The following RAD51B variants were observed in gnomAD, a reference collection of about 807,000 sequenced individuals.
RAD51B encodes the protein DNA repair protein RAD51 homolog 2.
A neutral mutation model predicts 42.2 loss-of-function variants in RAD51B; 38 were observed. That is an observed-to-expected ratio of 0.90 (90% CI 0.70 to 1.18). The LOEUF is 1.18. RAD51B is among the 50% of genes most tolerant of loss of function. RAD51B has a pLI of 0.00. For synonymous variants in RAD51B, 154 were observed against 145.2 expected, an observed-to-expected ratio of 1.06 and a Z score of -0.43; for missense variants, 373 against 400.7, an observed-to-expected ratio of 0.93 and a Z score of 0.59.
chr14:68,123,592 G>T (rs1202749612), intron 7 of RAD51B, among the ~76,000 whole-genome samples: 1 of 152,134 alleles, frequency 6.6e-6, no homozygotes, highest in African/African-American at 2.4e-5. Context: ...TGGATCACTT[G>T]AGGTCAGGAG....
At chr14:68,369,825 C>T (rs191973546) in intron 8 of RAD51B, among the ~76,000 whole-genome samples, 124 of 152,324 alleles carry the variant, frequency 8.1e-4, no homozygotes, top group Non-Finnish European at 1.7e-3. Flanking sequence ...AAAAGTGCTA[C>T]ATACTATATA....
At chr14:67,838,396 C>CAT (rs2041316789) in intron 4 of RAD51B, among the ~76,000 whole-genome samples, 1 of 151,854 alleles carries the variant, frequency 6.6e-6, no homozygotes, top group South Asian at 2.1e-4. Flanking sequence ...GAAAAGAATG[C>CAT]ATATATATAT....
chr14:67,839,161 T>A (rs1421755617), intron 4 of RAD51B, among the ~76,000 whole-genome samples: 1 of 152,164 alleles, frequency 6.6e-6, no homozygotes, highest in Non-Finnish European at 1.5e-5. Flanking sequence ...GTAGTGTCTT[T>A]GTCTGAATTA....
At chr14:68,504,507 T>C (rs1885143598) in intron 10 of RAD51B, among the ~76,000 whole-genome samples, 1 of 152,142 alleles carries the variant, frequency 6.6e-6, no homozygotes, top group Non-Finnish European at 1.5e-5. Context: ...CCTCTGATCA[T>C]GAAGACTGGA....
intron 7 of RAD51B, among the ~76,000 whole-genome samples, chr14:68,253,770 G>A (rs903920485): frequency 1.3e-5 from 2 of 152,222 alleles, no homozygotes; most frequent in African/African-American, 4.8e-5. Context: ...CTGATAGGAA[G>A]TTGAGGCACA....
chr14:68,143,194 A>C (rs962387487), intron 7 of RAD51B, among the ~76,000 whole-genome samples: 23 of 152,148 alleles, frequency 1.5e-4, no homozygotes, highest in African/African-American at 5.1e-4. Flanking sequence ...AGCTGCTATT[A>C]GTGTCCCCAT....
At chr14:68,647,315 A>C (rs1476957992) in intron 10 of RAD51B, among the ~76,000 whole-genome samples, 1 of 152,232 alleles carries the variant, frequency 6.6e-6, no homozygotes, top group East Asian at 1.9e-4. Context: ...AAACTATGTA[A>C]TAAAAGTGAT....
At chr14:68,539,947 T>A (rs1887864297) in intron 10 of RAD51B, among the ~76,000 whole-genome samples, 1 of 152,100 alleles carries the variant, frequency 6.6e-6, no homozygotes, top group African/African-American at 2.4e-5. Context: ...TCTTTATCAG[T>A]GCTGTAAGAG....
chr14:68,498,059 C>A (rs1286142871), intron 10 of RAD51B, among the ~76,000 whole-genome samples: 1 of 152,130 alleles, frequency 6.6e-6, no homozygotes, highest in African/African-American at 2.4e-5. Context: ...TATGGTGATT[C>A]TATGTTTAAC....
chr14:67,879,214 T>C (rs915596713), intron 5 of RAD51B, among the ~76,000 whole-genome samples: 2 of 152,248 alleles, frequency 1.3e-5, no homozygotes, highest in African/African-American at 4.8e-5. Flanking sequence ...GAATTTCATC[T>C]TTTTAAAGGA....
intron 7 of RAD51B, among the ~76,000 whole-genome samples, chr14:68,048,850 A>G (rs1040639508): frequency 3.3e-5 from 5 of 152,232 alleles, no homozygotes; most frequent in Non-Finnish European, 7.3e-5. Context: ...CAGCCATCCC[A>G]TTACTGGGTA....
chr14:67,840,572 G>A (rs1191895330), intron 4 of RAD51B, among the ~76,000 whole-genome samples: 1 of 152,114 alleles, frequency 6.6e-6, no homozygotes, highest in African/African-American at 2.4e-5. Context: ...TTGCTATTGT[G>A]GATACTGTGG....
At chr14:67,947,707 G>A (rs2045443368) in intron 7 of RAD51B, among the ~76,000 whole-genome samples, 1 of 152,110 alleles carries the variant, frequency 6.6e-6, no homozygotes, top group Non-Finnish European at 1.5e-5. Context: ...CAGGCTTTAG[G>A]TGTTTTTGTA....
At chr14:68,237,072 G>A (rs1366340231) in intron 7 of RAD51B, among the ~76,000 whole-genome samples, 3 of 152,318 alleles carry the variant, frequency 2.0e-5, no homozygotes, top group Admixed American at 6.5e-5. Context: ...GAGCAGTGAT[G>A]TATCTGTCTC....
intron 7 of RAD51B, among the ~76,000 whole-genome samples, chr14:68,274,959 C>CA (rs766660621): frequency 3.3e-5 from 5 of 152,158 alleles, no homozygotes; most frequent in Non-Finnish European, 5.9e-5. Flanking sequence ...TGTCACAAGG[C>CA]AATAATGTCT....
chr14:68,559,153 A>G (rs2244814), intron 10 of RAD51B, among the ~76,000 whole-genome samples: 42,243 of 151,430 alleles, frequency 0.28, 6,137 homozygotes, highest in South Asian at 0.35. Context: ...AAACCTGTCC[A>G]TATATATGTG....
Position 67,835,084 on chromosome 14 carries a change from A to G in RAD51B, c.203A>G (p.Tyr68Cys), listed in dbSNP as rs773742806. 13 of 1,607,408 alleles carry G rather than the reference A, an allele frequency of 8.1e-6. No homozygotes were observed. In the South Asian group the frequency reaches 9.9e-5, roughly 12 times the overall value. Residue 68 changes from tyrosine (Y) to cysteine (C), a missense_variant, in exon 4 of 11, where the codon TAT (tyrosine) becomes TGT (cysteine). Physicochemically the swap from Tyr to Cys is radical, Grantham distance 194. Coordinates refer to ENST00000471583, the MANE Select transcript of RAD51B (RefSeq NM_133510.4). ...CTTAATCATTTTCTTGTTTAGGCTT[A>G]TGGGATAAAAGCACAAAGGTCTGCT... Reference protein sequence around the residue: ...RACAPKMQTAYGIKAQRSADF... With the variant: ...RACAPKMQTACGIKAQRSADF...
intron 9 of RAD51B, among the ~76,000 whole-genome samples, chr14:68,464,389 C>T (rs373432249): frequency 1.1e-3 from 162 of 152,316 alleles, no homozygotes; most frequent in African/African-American, 3.6e-3. Flanking sequence ...CACATATACT[C>T]ATTGAACATA....
intron 7 of RAD51B, among the ~76,000 whole-genome samples, chr14:68,161,053 T>C (rs374777647): frequency 3.3e-5 from 5 of 152,236 alleles, no homozygotes; most frequent in African/African-American, 1.2e-4. Context: ...TTTTGATTTC[T>C]ATAAATTGGG....
Sources: allele counts gnomAD v4.1 joint callset (sites outside exome capture counted in the v4.1 genomes callset), GRCh38; gene constraint gnomAD v4.1.1; transcripts MANE v1.5; gene names NCBI Gene and HGNC (gene_info 2026-07-23, HGNC 2026-07-21).